EIF4G3: variants seen among roughly 807,000 people sequenced by gnomAD.
The protein encoded by EIF4G3 is eIF-4-gamma 3.
In EIF4G3, 34 loss-of-function variants were observed where a neutral mutation model predicts 186.4. The observed-to-expected ratio is 0.18, with a 90% confidence interval of 0.14 to 0.24. EIF4G3 has a LOEUF of 0.24. Among genes scored for constraint, EIF4G3 ranks in the 10% least tolerant of loss-of-function variants. The probability of loss-of-function intolerance (pLI) is 1.00; values close to 1 mark genes in which losing one functional copy is unlikely to be tolerated. For missense variants in EIF4G3, 1,536 were observed against 1,948.5 expected, an observed-to-expected ratio of 0.79 and a Z score of 3.99; for synonymous variants, 673 against 679.5, an observed-to-expected ratio of 0.99 and a Z score of 0.15.
chr1:21,058,943 T>C (rs12125335), intron 3 of EIF4G3, among the ~76,000 whole-genome samples: 15,865 of 144,024 alleles, frequency 0.11, 1,073 homozygotes, highest in Non-Finnish European at 0.16. Context: ...AATAGATATA[T>C]TGTTAAATAT....
chr1:20,816,057 T>G (rs1475653874), intron 34 of EIF4G3, among the ~76,000 whole-genome samples: 23 of 61,870 alleles, frequency 3.7e-4, no homozygotes, highest in Admixed American at 7.9e-4. Flanking sequence ...AGGAGGGGGG[T>G]CAGCCCCCCG....
At chr1:21,138,294 G>A (rs1318112842) in intron 2 of EIF4G3, among the ~76,000 whole-genome samples, 2 of 152,204 alleles carry the variant, frequency 1.3e-5, no homozygotes, top group African/African-American at 4.8e-5. Context: ...GCTCTTCACT[G>A]TCTAGAAAGA....
chr1:20,833,937 G>A (rs1243976948), intron 30 of EIF4G3, among the ~76,000 whole-genome samples: 1 of 151,982 alleles, frequency 6.6e-6, no homozygotes. Flanking sequence ...ACATAGTGTT[G>A]GAAGAAAAAT....
At chr1:21,075,412 T>C (rs763889479) in intron 3 of EIF4G3, among the ~76,000 whole-genome samples, 1 of 150,700 alleles carries the variant, frequency 6.6e-6, no homozygotes, top group Non-Finnish European at 1.5e-5. Flanking sequence ...CTACTAAAAA[T>C]CCAAAAATTA....
intron 4 of EIF4G3, among the ~76,000 whole-genome samples, chr1:21,015,066 T>A: frequency 2.3e-5 from 3 of 129,158 alleles, no homozygotes; most frequent in African/African-American, 2.9e-5. Flanking sequence ...GAGATAGAAA[T>A]AGTTTAAAAA....
At chr1:20,905,830 A>G (rs2091911281) in intron 14 of EIF4G3, among the ~76,000 whole-genome samples, 1 of 152,182 alleles carries the variant, frequency 6.6e-6, no homozygotes, top group Admixed American at 6.5e-5. Context: ...AAGAAAGGCC[A>G]CTTAATAGGG....
At position 21,122,434 on chromosome 1, in the gene EIF4G3, T is replaced by G. The variant is rs558466710; in HGVS notation, c.-271-33221A>C. Among the ~76,000 whole-genome samples the G allele has an allele frequency of 2.6e-5, 4 of 152,332 alleles. No homozygotes were observed. The South Asian group carries it at 8.3e-4, about 32-fold the overall frequency. ...AATGACTAATTCAAACCATGTAACT[T>G]ATTTTTCTGTTGATTTTTATAAATT... is the stretch of plus-strand genomic sequence containing the variant. On this transcript the variant is annotated intron_variant, in intron 2 of 36. Coordinates refer to ENST00000602326, the MANE Select transcript of EIF4G3 (RefSeq NM_001391906.1).
intron 14 of EIF4G3, among the ~76,000 whole-genome samples, chr1:20,907,628 G>A (rs2092459112): frequency 6.7e-6 from 1 of 150,292 alleles, no homozygotes; most frequent in Admixed American, 6.7e-5. Context: ...ACCTATGAGT[G>A]AGAACATGTG....
chr1:21,082,078 G>C (rs1217364113), intron 3 of EIF4G3, among the ~76,000 whole-genome samples: 2 of 151,126 alleles, frequency 1.3e-5, no homozygotes. Flanking sequence ...TGACAAGTGT[G>C]AGCCACCGTG....
intron 4 of EIF4G3, among the ~76,000 whole-genome samples, chr1:21,032,298 C>T (rs569957120): frequency 1.8e-4 from 28 of 152,216 alleles, no homozygotes; most frequent in Middle Eastern, 6.8e-3. Context: ...TTATCTTTGG[C>T]AGAACTATTC....
intron 2 of EIF4G3, among the ~76,000 whole-genome samples, chr1:21,161,114 T>C (rs1573574409): frequency 6.6e-6 from 1 of 152,022 alleles, no homozygotes; most frequent in Non-Finnish European, 1.5e-5. Context: ...GAGGCTGCAG[T>C]GAGCACACAT....
intron 14 of EIF4G3, among the ~76,000 whole-genome samples, chr1:20,936,456 C>A (rs1002053972): frequency 1.3e-5 from 2 of 152,018 alleles, no homozygotes; most frequent in Non-Finnish European, 1.5e-5. Flanking sequence ...TCTGTAGAAG[C>A]TAAATTATAA....
chr1:20,978,979 C>T (rs924387761), intron 10 of EIF4G3, among the ~76,000 whole-genome samples: 4 of 151,208 alleles, frequency 2.6e-5, no homozygotes, highest in African/African-American at 9.7e-5. Context: ...TGAGACAATC[C>T]CAATTTTAGG....
At chr1:21,088,551 A>G (rs2096071578) in intron 3 of EIF4G3, among the ~76,000 whole-genome samples, 1 of 152,234 alleles carries the variant, frequency 6.6e-6, no homozygotes, top group Admixed American at 6.6e-5. Flanking sequence ...TTTTTAAGAA[A>G]AAAAATCCAG....
chr1:21,168,358 C>T (rs112187915), intron 2 of EIF4G3, among the ~76,000 whole-genome samples: 163 of 152,028 alleles, frequency 1.1e-3, no homozygotes, highest in African/African-American at 3.8e-3. Context: ...GAGCTGAGAT[C>T]GTGCCACTGC....
At chr1:20,985,077 T>A (rs907743937) in intron 7 of EIF4G3, among the ~76,000 whole-genome samples, 1 of 152,208 alleles carries the variant, frequency 6.6e-6, no homozygotes, top group African/African-American at 2.4e-5. Context: ...TTACCTCTCA[T>A]GAAATGGAAT....
chr1:20,851,137 G>T, intron 28 of EIF4G3, 121 bp downstream of exon 28: 1 of 826,110 alleles, frequency 1.2e-6, no homozygotes. Flanking sequence ...TAACTCTTCA[G>T]ATGCTGGTAT....
intron 12 of EIF4G3, among the ~76,000 whole-genome samples, chr1:20,961,846 G>T (rs2096577100): frequency 6.6e-6 from 1 of 152,104 alleles, no homozygotes; most frequent in Non-Finnish European, 1.5e-5. Context: ...TTTCATTAAA[G>T]ATAAAGAAAA....
chr1:20,865,529 A>C (rs1164449593), intron 20 of EIF4G3, among the ~76,000 whole-genome samples: 1 of 152,066 alleles, frequency 6.6e-6, no homozygotes, highest in African/African-American at 2.4e-5. Context: ...ATATCATTGC[A>C]ACTATAACTC....
Sources: allele counts gnomAD v4.1 joint callset (sites outside exome capture counted in the v4.1 genomes callset), GRCh38; gene constraint gnomAD v4.1.1; transcripts MANE v1.5; gene names NCBI Gene and HGNC (gene_info 2026-07-23, HGNC 2026-07-21).